ERC2: variants seen among roughly 807,000 people sequenced by gnomAD.
ERC2 encodes the protein ELKS/RAB6-interacting/CAST family member 2, also known as ERC protein 2.
In ERC2, 42 loss-of-function variants were observed where a neutral mutation model predicts 114.8. The observed-to-expected ratio is 0.37, with a 90% CI of 0.29 to 0.47. ERC2 has a LOEUF of 0.47. ERC2 is among the 20% of genes least tolerant of loss of function. ERC2 has a pLI of 0.99. For missense variants in ERC2, 939 were observed against 1,150.7 expected (o/e 0.82, Z 2.66); for synonymous variants, 454 against 425.5 (o/e 1.07, Z -0.82).
rs2060118978 is a variant in ERC2 at position 56,391,279 on chromosome 3, C to T, written c.657+43072G>A. Among the ~76,000 whole-genome samples the T allele has an allele frequency of 4.6e-5, 7 of 152,192 alleles. No individual in the cohort carries two copies. The South Asian group carries it at 1.0e-3, about 23-fold the overall frequency. On this transcript the variant is annotated intron_variant, in intron 2 of 17. Coordinates refer to ENST00000288221, the MANE Select transcript of ERC2 (RefSeq NM_015576.3). ...GCCCTGGAATGAGATCACTGTGTCA[C>T]TCCATCTAAGTTGCCTGGTCACAAC...
At chr3:55,747,986 C>T (rs531732794) in intron 14 of ERC2, among the ~76,000 whole-genome samples, 50 of 152,294 alleles carry the variant, frequency 3.3e-4, no homozygotes, top group African/African-American at 1.2e-3. Context: ...AGTGCTCCTT[C>T]CCAGAGTTTG....
chr3:56,183,575 C>T (rs1004513499), intron 3 of ERC2, among the ~76,000 whole-genome samples: 2 of 152,226 alleles, frequency 1.3e-5, no homozygotes, highest in Non-Finnish European at 2.9e-5. Context: ...CCTTCCCTGC[C>T]TCTTTGTTCT....
chr3:55,889,689 A>C, intron 13 of ERC2, among the ~76,000 whole-genome samples: 1 of 152,156 alleles, frequency 6.6e-6, no homozygotes, highest in Non-Finnish European at 1.5e-5. Context: ...CTGATCCAAA[A>C]TCATGATTCC....
In ERC2 at chr3:55,601,858, C is replaced by T. The variant is rs111418974; in HGVS notation, c.*39+81936G>A. 4.2e-3 allele frequency among the ~76,000 whole-genome samples: 641 copies of T among 152,266 alleles called. 7 individuals carry two copies. Among genetic ancestry groups the T allele is most frequent in the African/African-American group, 0.014 (593 of 41,538 alleles). Reference sequence around the variant, plus strand: ...ACAACAAACAAACAAATATTCGGGCCTCTGGAAAAGTCCATCGGACAGGAA... The same window carrying T: ...ACAACAAACAAACAAATATTCGGGCTTCTGGAAAAGTCCATCGGACAGGAA... On this transcript the variant is annotated intron_variant, in intron 17 of 17. Transcript: ENST00000288221.
At chr3:56,342,287 A>G (rs757892115) in intron 2 of ERC2, among the ~76,000 whole-genome samples, 8 of 152,236 alleles carry the variant, frequency 5.3e-5, no homozygotes, top group Non-Finnish European at 8.8e-5. Flanking sequence ...AATTCATACA[A>G]TGAAATACTG....
chr3:55,896,583 AG>A (rs2063853918), intron 13 of ERC2, among the ~76,000 whole-genome samples: 1 of 152,238 alleles, frequency 6.6e-6, no homozygotes, highest in Non-Finnish European at 1.5e-5. Context: ...GTTTTAGAAA[AG>A]GTGTTTAATT....
chr3:56,311,255 C>CTATATATATATATA (rs67320179), intron 2 of ERC2, among the ~76,000 whole-genome samples: 3 of 79,064 alleles, frequency 3.8e-5, no homozygotes, highest in East Asian at 3.5e-4. Flanking sequence ...CTCTCTCTCT[C>CTATATATATATATA]TATATATATA....
intron 13 of ERC2, among the ~76,000 whole-genome samples, chr3:55,949,695 C>T (rs918263794): frequency 6.6e-6 from 1 of 152,184 alleles, no homozygotes; most frequent in African/African-American, 2.4e-5. Flanking sequence ...TGGAGAAAGA[C>T]ACTAATTAAT....
intron 14 of ERC2, among the ~76,000 whole-genome samples, chr3:55,786,112 CT>C (rs140368478): frequency 3.3e-5 from 5 of 152,192 alleles, no homozygotes; most frequent in African/African-American, 9.6e-5. Context: ...TCACACATAG[CT>C]TGCAATATGC....
chr3:55,689,541 C>T (rs55851141), intron 16 of ERC2, among the ~76,000 whole-genome samples: 19,900 of 152,112 alleles, frequency 0.13, 1,577 homozygotes, highest in East Asian at 0.3. Context: ...GCTCCTTCAT[C>T]GATCAGTCAT....
At chr3:56,439,717 T>C (rs182153950) in intron 1 of ERC2, among the ~76,000 whole-genome samples, 65 of 152,268 alleles carry the variant, frequency 4.3e-4, no homozygotes, top group Non-Finnish European at 9.0e-4. Flanking sequence ...GATATCTCTT[T>C]ATCTTTAATA....
chr3:55,707,864 G>A (rs1414967504), intron 15 of ERC2, among the ~76,000 whole-genome samples: 4 of 152,188 alleles, frequency 2.6e-5, no homozygotes, highest in Non-Finnish European at 5.9e-5. Flanking sequence ...ATTTGCCTTG[G>A]TTGAAGCTTC....
chr3:55,944,308 G>T (rs996780015), intron 13 of ERC2, among the ~76,000 whole-genome samples: 2 of 152,212 alleles, frequency 1.3e-5, no homozygotes, highest in Non-Finnish European at 2.9e-5. Context: ...CTTTGGAAAA[G>T]AATAATGAAC....
chr3:55,862,144 C>A (rs1412780349), intron 14 of ERC2, among the ~76,000 whole-genome samples: 1 of 152,164 alleles, frequency 6.6e-6, no homozygotes, highest in East Asian at 1.9e-4. Flanking sequence ...CACACAAACA[C>A]ACACACATAC....
At chr3:56,387,316 G>T (rs2059968264) in intron 2 of ERC2, among the ~76,000 whole-genome samples, 1 of 152,088 alleles carries the variant, frequency 6.6e-6, no homozygotes, top group African/African-American at 2.4e-5. Flanking sequence ...CATCAGTTTG[G>T]TCTCTGTCTA....
intron 6 of ERC2, among the ~76,000 whole-genome samples, chr3:56,138,703 C>T (rs184888520): frequency 1.5e-4 from 23 of 152,306 alleles, no homozygotes; most frequent in African/African-American, 5.5e-4. Context: ...AAGTAATGCA[C>T]ACAGCACAGT....
At chr3:55,891,485 T>C (rs890994677) in intron 13 of ERC2, among the ~76,000 whole-genome samples, 2 of 143,420 alleles carry the variant, frequency 1.4e-5, no homozygotes, top group African/African-American at 2.6e-5. Flanking sequence ...TCTCGCTCTG[T>C]CACCAGGCTA....
intron 7 of ERC2, among the ~76,000 whole-genome samples, chr3:56,026,539 T>C (rs1316383110): frequency 6.6e-6 from 1 of 152,052 alleles, no homozygotes; most frequent in African/African-American, 2.4e-5. Context: ...AGGAGGAGGA[T>C]GAGAATGATG....
chr3:55,906,890 A>G (rs1185347941), intron 13 of ERC2, among the ~76,000 whole-genome samples: 1 of 152,208 alleles, frequency 6.6e-6, no homozygotes, highest in African/African-American at 2.4e-5. Context: ...CTATTCAATC[A>G]GAGGGTGATC....
Sources: gnomAD v4.1 joint callset for allele counts (sites outside exome capture counted in the v4.1 genomes callset) on GRCh38, gnomAD v4.1.1 for gene constraint, MANE v1.5 for transcripts, NCBI Gene and HGNC (gene_info 2026-07-23, HGNC 2026-07-21) for gene names.